MYO5B: variants seen among roughly 807,000 people sequenced by gnomAD.
MYO5B encodes the protein myosin VB.
MYO5B carries 143 observed loss-of-function variants against 229.3 expected under a neutral mutation model. The observed-to-expected ratio is 0.62, with a 90% CI of 0.54 to 0.72. MYO5B has a LOEUF of 0.72. Ranked by LOEUF, MYO5B falls within the 30% of genes least tolerant of loss-of-function variation. The pLI is 0.00. For missense variants in MYO5B, 2,321 were observed against 2,331.0 expected (o/e 1.00, Z 0.09); for synonymous variants, 918 against 885.2 (o/e 1.04, Z -0.66).
At chr18:50,085,037 T>C (rs2031301554) in intron 1 of MYO5B, among the ~76,000 whole-genome samples, 3 of 152,102 alleles carry the variant, frequency 2.0e-5, no homozygotes, top group African/African-American at 7.2e-5. Context: ...CCAAAAGCAA[T>C]GGCAACAAAA....
chr18:50,097,310 A>T (rs2031570413), intron 1 of MYO5B: 1 of 456,244 alleles, frequency 2.2e-6, no homozygotes, highest in African/African-American at 2.0e-5. Flanking sequence ...TCTCAGCCAG[A>T]CTGCAGGCAC....
intron 4 of MYO5B, among the ~76,000 whole-genome samples, chr18:50,031,304 G>C (rs186738842): frequency 1.3e-5 from 2 of 152,116 alleles, no homozygotes; most frequent in Non-Finnish European, 2.9e-5. Context: ...TCAGGTAATG[G>C]AGGAAGCTGT....
At chr18:50,150,577 G>T (rs571922424) in intron 1 of MYO5B, among the ~76,000 whole-genome samples, 1 of 151,580 alleles carries the variant, frequency 6.6e-6, no homozygotes, top group Non-Finnish European at 1.5e-5. Context: ...GTAAACTATC[G>T]CAAGAACAAA....
chr18:49,888,712 C>T (rs1323741697), intron 22 of MYO5B, among the ~76,000 whole-genome samples: 9 of 152,204 alleles, frequency 5.9e-5, no homozygotes, highest in Admixed American at 5.9e-4. Context: ...GCTCCTCTCC[C>T]CAGCCTCTTC....
At position 49,989,774 on chromosome 18, in the gene MYO5B, T is replaced by C. The variant is rs146724331; in HGVS notation, c.838+665A>G. 2.6e-3 allele frequency among the ~76,000 whole-genome samples: 394 copies of C among 152,322 alleles called. 11 individuals carry two copies. The highest frequency in any genetic ancestry group is 0.023 in the Admixed American group (346 of 15,308). ...GAGTGGAAACAAAGGGTGGTGCTCA[T>C]CTGATGGGGATGATGACAAAGTGCC... On this transcript the variant is annotated intron_variant, in intron 7 of 39. Transcript: ENST00000285039.
At position 49,853,973 on chromosome 18, in the gene MYO5B, C is replaced by T. The variant is rs565320406; in HGVS notation, c.4023-326G>A. ...GTCTCCCTGTCAAAATGTCCATCAACAGAAATACATCTCTTAAAGCATCTT... is the reference window on the plus strand; with the variant it reads ...GTCTCCCTGTCAAAATGTCCATCAATAGAAATACATCTCTTAAAGCATCTT... On this transcript the variant is annotated intron_variant, in intron 30 of 39. Transcript: ENST00000285039. Among the ~76,000 whole-genome samples the T allele has an allele frequency of 2.0e-5, 3 of 152,360 alleles. No homozygotes were observed. In the East Asian group the frequency reaches 5.8e-4, roughly 29 times the overall value.
Position 49,904,717 on chromosome 18 carries a change from G to C in MYO5B, c.2526C>G (p.Ile842Met), listed in dbSNP as rs1383746101. The C allele has an allele frequency of 6.2e-7, 1 of 1,614,120 alleles. No individual in the cohort carries two copies. Among genetic ancestry groups the C allele is most frequent in the East Asian group, 2.2e-5 (1 of 44,876 alleles). Residue 842 changes from isoleucine to methionine, a missense_variant, in exon 20 of 40, where the codon ATC becomes ATG. By Grantham distance (10) the Ile-to-Met change is conservative. Transcript: ENST00000285039. The part of the protein sequence containing the change: ...YQRVRRAAVV[I>M]QAFTRAMFVR... ...CAAACATGGCCCGGGTGAAGGCCTG[G>C]ATAACAACGGCAGCTCTGCGGACCC...
intron 4 of MYO5B, among the ~76,000 whole-genome samples, chr18:50,022,074 AGT>A (rs2026281289): frequency 6.6e-6 from 1 of 152,080 alleles, no homozygotes; most frequent in African/African-American, 2.4e-5. Context: ...TCACCCCAGG[AGT>A]GTCTCTTCCC....
chr18:50,008,661 C>A (rs1386628131), intron 4 of MYO5B, among the ~76,000 whole-genome samples: 2 of 152,308 alleles, frequency 1.3e-5, no homozygotes. Flanking sequence ...GCCCAACACA[C>A]ACTATGGTTG....
At chr18:50,025,834 GCATATGTGGCTTTAGA>G (rs1331685373) in intron 4 of MYO5B, among the ~76,000 whole-genome samples, 11 of 152,138 alleles carry the variant, frequency 7.2e-5, no homozygotes, top group African/African-American at 2.7e-4. Flanking sequence ...AAAGATCACT[GCATATGTGGCTTTAGA>G]CACTTCCCTA....
chr18:50,010,940 T>C (rs1416845965), intron 4 of MYO5B, among the ~76,000 whole-genome samples: 4 of 152,212 alleles, frequency 2.6e-5, no homozygotes, highest in Admixed American at 6.5e-5. Flanking sequence ...CCAAAACCCA[T>C]CCTCTTTCTC....
intron 12 of MYO5B, among the ~76,000 whole-genome samples, chr18:49,954,925 G>A (rs2025476444): frequency 2.0e-5 from 3 of 152,212 alleles, no homozygotes; most frequent in Non-Finnish European, 2.9e-5. Context: ...GCTCAAGTCT[G>A]TCCTTTCCTG....
intron 3 of MYO5B, among the ~76,000 whole-genome samples, chr18:50,039,729 T>C (rs1043914630): frequency 2.0e-5 from 3 of 152,340 alleles, no homozygotes; most frequent in Admixed American, 1.3e-4. Flanking sequence ...TTGGGTATTA[T>C]GTCAGTACAA....
At chr18:49,963,986 G>C (rs2025593058) in intron 10 of MYO5B, among the ~76,000 whole-genome samples, 1 of 152,182 alleles carries the variant, frequency 6.6e-6, no homozygotes, top group Admixed American at 6.5e-5. Context: ...CCATGAGCTG[G>C]CAGTGGCCCC....
chr18:49,942,969 T>C (rs1284980298), intron 14 of MYO5B, among the ~76,000 whole-genome samples: 7 of 152,082 alleles, frequency 4.6e-5, no homozygotes, highest in Non-Finnish European at 2.9e-5. Flanking sequence ...CCAACCCAAA[T>C]GTTCAACAAT....
intron 29 of MYO5B, among the ~76,000 whole-genome samples, chr18:49,861,480 T>C (rs1439070679): frequency 3.9e-5 from 6 of 152,246 alleles, no homozygotes; most frequent in Admixed American, 3.3e-4. Context: ...TCATTTCTTA[T>C]CTTCAACCCA....
At chr18:50,081,185 C>A (rs915128257) in intron 1 of MYO5B, among the ~76,000 whole-genome samples, 3 of 152,106 alleles carry the variant, frequency 2.0e-5, no homozygotes, top group African/African-American at 7.2e-5. Context: ...TTTAGGTCAA[C>A]CTCTTCAGTG....
At chr18:50,087,590 GAATA>G (rs2031358720) in intron 1 of MYO5B, among the ~76,000 whole-genome samples, 2 of 140,844 alleles carry the variant, frequency 1.4e-5, no homozygotes, top group Admixed American at 1.4e-4. Flanking sequence ...AAAAAAAAAA[GAATA>G]AAAATAAATA....
intron 10 of MYO5B, among the ~76,000 whole-genome samples, chr18:49,966,341 T>C (rs1323047505): frequency 6.6e-6 from 1 of 152,098 alleles, no homozygotes; most frequent in Non-Finnish European, 1.5e-5. Context: ...AGATGTAAAG[T>C]GTATGCTGGG....
Sources: allele counts gnomAD v4.1 joint callset (sites outside exome capture counted in the v4.1 genomes callset), GRCh38; gene constraint gnomAD v4.1.1; transcripts MANE v1.5; gene names NCBI Gene and HGNC (gene_info 2026-07-23, HGNC 2026-07-21).